SOX6: variants seen among roughly 807,000 people sequenced by gnomAD.
SOX6 encodes SRY-box transcription factor 6, also known as transcription factor SOX-6.
Under a neutral mutation model 97.8 loss-of-function variants are expected in SOX6, and 11 were observed. The ratio of observed to expected loss-of-function variants is 0.11; its 90% confidence interval spans 0.07 to 0.19. The LOEUF is 0.19. Among genes scored for constraint, SOX6 ranks in the 10% least tolerant of loss-of-function variants. SOX6 has a pLI of 1.00. For missense variants in SOX6, 810 were observed against 1,039.5 expected (o/e 0.78, Z 3.04); for synonymous variants, 360 against 371.4 (o/e 0.97, Z 0.35).
intron 9 of SOX6, among the ~76,000 whole-genome samples, chr11:16,073,526 C>G (rs1044035207): frequency 6.6e-6 from 1 of 152,096 alleles, no homozygotes; most frequent in African/African-American, 2.4e-5. Flanking sequence ...CAGTATTAGA[C>G]AGCTCATCGA....
intron 7 of SOX6, 74 bp from the exon 8 acceptor site, chr11:16,097,762 C>T (rs1418556171): frequency 7.5e-7 from 1 of 1,327,562 alleles, no homozygotes; most frequent in South Asian, 1.2e-5. Context: ...AAACATGGTC[C>T]TTGGATTGCC....
At chr11:16,195,415 G>C (rs1229962403) in intron 4 of SOX6, among the ~76,000 whole-genome samples, 1 of 152,168 alleles carries the variant, frequency 6.6e-6, no homozygotes, top group Non-Finnish European at 1.5e-5. Context: ...GCAATGTTCT[G>C]AGGTACCAAG....
chr11:16,100,010 C>A (rs904817111), intron 7 of SOX6, among the ~76,000 whole-genome samples: 1 of 151,362 alleles, frequency 6.6e-6, no homozygotes, highest in African/African-American at 2.4e-5. Context: ...AAGGACAAGG[C>A]AGGAGGGGTA....
At chr11:16,621,744 A>C (rs1848548327) in intron 3 of SOX6, among the ~76,000 whole-genome samples, 1 of 152,170 alleles carries the variant, frequency 6.6e-6, no homozygotes. Flanking sequence ...ATAAGCCTTC[A>C]TTCTAAGTCA....
At chr11:16,063,496 T>TTATA (rs66968164) in intron 9 of SOX6, among the ~76,000 whole-genome samples, 21 of 35,660 alleles carry the variant, frequency 5.9e-4, no homozygotes, top group African/African-American at 8.0e-4. Flanking sequence ...TACCATAATT[T>TTATA]TATATATATA....
intron 3 of SOX6, chr11:16,318,198 T>TA (rs1235966890): frequency 1.9e-6 from 1 of 517,552 alleles, no homozygotes; most frequent in Non-Finnish European, 3.4e-6. Flanking sequence ...ATGGTCAGTT[T>TA]AAAATCCTAA....
chr11:16,651,219 G>A (rs896557129), intron 3 of SOX6, among the ~76,000 whole-genome samples: 4 of 151,842 alleles, frequency 2.6e-5, no homozygotes, highest in Non-Finnish European at 2.9e-5. Flanking sequence ...CAACCTTACC[G>A]AAACTATTCC....
At chr11:16,176,621 G>T (rs1851194653) in intron 6 of SOX6, among the ~76,000 whole-genome samples, 1 of 151,828 alleles carries the variant, frequency 6.6e-6, no homozygotes, top group African/African-American at 2.4e-5. Flanking sequence ...CTCTTGCCTT[G>T]TAGGTATATA....
At chr11:16,646,628 A>G (rs576435975) in intron 3 of SOX6, among the ~76,000 whole-genome samples, 1 of 152,030 alleles carries the variant, frequency 6.6e-6, no homozygotes, top group South Asian at 2.1e-4. Context: ...ACTCACTCCC[A>G]CCCTTTCCCC....
intron 4 of SOX6, among the ~76,000 whole-genome samples, chr11:16,493,464 A>G (rs1203244815): frequency 6.6e-6 from 1 of 152,208 alleles, no homozygotes; most frequent in Non-Finnish European, 1.5e-5. Context: ...AAGAAAGGTA[A>G]TGATGTTTTT....
chr11:16,305,946 C>T (rs1855417209), intron 3 of SOX6, among the ~76,000 whole-genome samples: 1 of 152,026 alleles, frequency 6.6e-6, no homozygotes, highest in Non-Finnish European at 1.5e-5. Context: ...GTGAGGGATG[C>T]TGGCATTGAA....
intron 1 of SOX6, among the ~76,000 whole-genome samples, chr11:16,403,860 A>T (rs1361455487): frequency 6.6e-6 from 1 of 151,748 alleles, no homozygotes; most frequent in Non-Finnish European, 1.5e-5. Flanking sequence ...AAAAGAATTA[A>T]AATAAAATTA....
intron 12 of SOX6, among the ~76,000 whole-genome samples, chr11:16,035,115 C>T (rs7101975): frequency 0.05 from 7,616 of 152,214 alleles, 620 homozygotes; most frequent in African/African-American, 0.17. Context: ...CAGAGTTACA[C>T]GCATTGTGCA....
intron 1 of SOX6, among the ~76,000 whole-genome samples, chr11:16,409,815 G>A (rs1355031986): frequency 4.6e-5 from 4 of 87,438 alleles, no homozygotes; most frequent in African/African-American, 1.8e-4. Context: ...CAGAAACAAT[G>A]TCTTTCCTCG....
chr11:16,198,341 G>A (rs1364953694), intron 4 of SOX6, among the ~76,000 whole-genome samples: 1 of 149,748 alleles, frequency 6.7e-6, no homozygotes, highest in East Asian at 2.0e-4. Flanking sequence ...CTCCCAAAGT[G>A]CCAGCCAATT....
At chr11:16,552,730 C>G (rs528901753) in intron 4 of SOX6, among the ~76,000 whole-genome samples, 2 of 152,184 alleles carry the variant, frequency 1.3e-5, no homozygotes, top group Non-Finnish European at 2.9e-5. Flanking sequence ...TTCTTTTTTA[C>G]TAAAAGACTT....
chr11:16,563,946 G>A (rs565953074), intron 4 of SOX6, among the ~76,000 whole-genome samples: 13 of 152,132 alleles, frequency 8.5e-5, no homozygotes, highest in Non-Finnish European at 1.9e-4. Flanking sequence ...GAAAGAAGTG[G>A]CACAATATTT....
rs187140957 is a variant in SOX6 at position 16,132,323 on chromosome 11, G to C, written c.778-20400C>G. 3.7e-4 allele frequency among the ~76,000 whole-genome samples: 31 copies of C among 82,910 alleles called. No homozygotes were observed. The East Asian group carries it at 1.0e-2, about 27-fold the overall frequency. The allele number at this position is 82,910 out of a possible 152,430, so 54.4% of individuals were successfully genotyped here. A position where few individuals can be genotyped will look rare whatever the true frequency, so the allele number is the denominator to read the frequency against. Reference sequence around the variant, plus strand: ...GGAAGGAAGGAAGGAAGGAAGGAAGGAAGGAAGGAAAGAAAAAAGAAAGAA... The same window carrying C: ...GGAAGGAAGGAAGGAAGGAAGGAAGCAAGGAAGGAAAGAAAAAAGAAAGAA... On this transcript the variant is annotated intron_variant, in intron 6 of 15. Coordinates refer to ENST00000683767, the MANE Select transcript of SOX6 (RefSeq NM_001367873.1).
At chr11:16,259,943 A>ATG (rs111645216) in intron 3 of SOX6, among the ~76,000 whole-genome samples, 8 of 16,500 alleles carry the variant, frequency 4.8e-4, no homozygotes, top group African/African-American at 8.0e-4. Context: ...AATGTCCCAA[A>ATG]TATGTGTGTG....
Sources: gnomAD v4.1 joint callset for allele counts (sites outside exome capture counted in the v4.1 genomes callset) on GRCh38, gnomAD v4.1.1 for gene constraint, MANE v1.5 for transcripts, NCBI Gene and HGNC (gene_info 2026-07-23, HGNC 2026-07-21) for gene names.